B4GALT5: variants seen among roughly 807,000 people sequenced by gnomAD.
The protein encoded by B4GALT5 is beta-1,4-galactosyltransferase 5, also known as UDP-Gal:beta-GlcNAc beta-1,4-galactosyltransferase 5.
A neutral mutation model predicts 45.0 loss-of-function variants in B4GALT5; 11 were observed. That is an observed-to-expected ratio of 0.24 (90% CI 0.15 to 0.40). The LOEUF (loss-of-function observed/expected upper bound fraction) is 0.40. B4GALT5 is among the 10% of genes least tolerant of loss of function. The probability of loss-of-function intolerance (pLI) is 1.00; values close to 1 mark genes in which losing one functional copy is unlikely to be tolerated. For synonymous variants in B4GALT5, 185 were observed against 182.9 expected (o/e 1.01, Z -0.09); for missense variants, 337 against 500.2 (o/e 0.67, Z 3.11).
intron 1 of B4GALT5, among the ~76,000 whole-genome samples, chr20:49,671,194 C>A (rs2085714466): frequency 1.3e-5 from 2 of 152,114 alleles, no homozygotes. Context: ...GCCTGGTCAA[C>A]ATGGCGAAAC....
At chr20:49,650,914 C>T (rs1262604756) in intron 2 of B4GALT5, among the ~76,000 whole-genome samples, 1 of 147,380 alleles carries the variant, frequency 6.8e-6, no homozygotes. Flanking sequence ...TCTACAGCCA[C>T]AGTTTTACTT....
intron 1 of B4GALT5, among the ~76,000 whole-genome samples, chr20:49,697,494 A>G (rs1022779974): frequency 6.6e-6 from 1 of 151,766 alleles, no homozygotes; most frequent in Non-Finnish European, 1.5e-5. Flanking sequence ...AGCTGCTAAC[A>G]CTAAGTTTCC....
intron 1 of B4GALT5, among the ~76,000 whole-genome samples, chr20:49,705,246 G>A (rs964328828): frequency 1.3e-5 from 2 of 152,222 alleles, no homozygotes; most frequent in Non-Finnish European, 2.9e-5. Context: ...GAAGTGTGAA[G>A]CCAGAGGAAA....
chr20:49,642,549 C>T lies in B4GALT5; in HGVS notation c.525G>A (p.Glu175=), dbSNP rs748301404. ...GGTGTCTGAACAGGACTGGGAGGTGCTCGTGGCGGTTCCGGAAGGGGATAA... is the reference window on the plus strand; with the variant it reads ...GGTGTCTGAACAGGACTGGGAGGTGTTCGTGGCGGTTCCGGAAGGGGATAA... The part of the protein sequence containing the change: ...AILIPFRNRH[E]HLPVLFRHLL... Residue 175 remains glutamate (E), a synonymous_variant, in exon 5 of 9, where the codon GAG becomes GAA. Coordinates refer to ENST00000371711, the MANE Select transcript of B4GALT5 (RefSeq NM_004776.4). 4 of 1,614,132 alleles carry T rather than the reference C, an allele frequency of 2.5e-6. No individual in the cohort carries two copies. Among genetic ancestry groups the T allele is most frequent in the Non-Finnish European group, 2.5e-6 (3 of 1,179,996 alleles).
intron 1 of B4GALT5, among the ~76,000 whole-genome samples, chr20:49,712,456 G>T (rs977521546): frequency 6.6e-6 from 1 of 151,908 alleles, no homozygotes; most frequent in East Asian, 1.9e-4. Flanking sequence ...GACTATGCTT[G>T]GGGCAGGCGG....
chr20:49,664,230 C>T (rs964199122), intron 1 of B4GALT5, among the ~76,000 whole-genome samples: 1 of 151,968 alleles, frequency 6.6e-6, no homozygotes, highest in Non-Finnish European at 1.5e-5. Context: ...TCTAGAATAT[C>T]CCTTAAGAGT....
chr20:49,647,695 T>C (rs2085604937), intron 2 of B4GALT5, among the ~76,000 whole-genome samples: 1 of 152,236 alleles, frequency 6.6e-6, no homozygotes, highest in Non-Finnish European at 1.5e-5. Context: ...GTTTGCTCAG[T>C]TTTATATGCA....
In B4GALT5 at chr20:49,653,612, T is replaced by C. The variant is rs76801577; in HGVS notation, c.250+2956A>G. Among the ~76,000 whole-genome samples the C allele has an allele frequency of 5.1e-3, 777 of 152,328 alleles. 7 individuals are homozygous for C. Among genetic ancestry groups the C allele is most frequent in the African/African-American group, 0.017 (722 of 41,574 alleles). On this transcript the variant is annotated intron_variant, in intron 2 of 8. Transcript: ENST00000371711. ...AGTTCCATGACTTCCATGTGCCTTG[T>C]TCCTTTTATCCCTACAATGGGGACA...
At chr20:49,676,989 C>T (rs1394854802) in intron 1 of B4GALT5, among the ~76,000 whole-genome samples, 3 of 151,978 alleles carry the variant, frequency 2.0e-5, no homozygotes, top group Non-Finnish European at 4.4e-5. Flanking sequence ...GATGTATGTC[C>T]TTATATTTGT....
At chr20:49,643,292 T>C (rs973495494) in intron 4 of B4GALT5, among the ~76,000 whole-genome samples, 1 of 152,232 alleles carries the variant, frequency 6.6e-6, no homozygotes, top group Non-Finnish European at 1.5e-5. Flanking sequence ...GCTTTGTTAA[T>C]ATTCCTGGTG....
Position 49,713,795 on chromosome 20 carries a change from G to T in B4GALT5, c.-105C>A. 5.5e-6 allele frequency: 1 copy of T among 182,530 alleles called. No individual in the cohort carries two copies. The highest frequency in any genetic ancestry group is 1.0e-5 in the Non-Finnish European group (1 of 96,482). 11.3% of individuals were successfully genotyped at this position (182,530 alleles called of 1,614,324 possible). On this transcript the variant is annotated 5_prime_UTR_variant, in exon 1 of 9. Transcript: ENST00000371711. ...CGCCACCGCCTGGGCCTCGGCCACC[G>T]CCTCCCGGGCCTCGCGGGCCGCCAC...
At chr20:49,684,466 G>C in intron 1 of B4GALT5, 7 of 471,412 alleles carry the variant, frequency 1.5e-5, no homozygotes, top group South Asian at 1.1e-4. Context: ...GGGAGGCTGA[G>C]ACAGCAGAAT....
At chr20:49,711,370 C>T (rs1358825048) in intron 1 of B4GALT5, among the ~76,000 whole-genome samples, 1 of 152,132 alleles carries the variant, frequency 6.6e-6, no homozygotes, top group African/African-American at 2.4e-5. Context: ...TTGATAAGTT[C>T]CATTTCTGTT....
intron 1 of B4GALT5, among the ~76,000 whole-genome samples, chr20:49,657,192 C>G (rs1041943384): frequency 2.0e-5 from 3 of 152,174 alleles, no homozygotes; most frequent in Admixed American, 6.5e-5. Flanking sequence ...GCAACCTTTT[C>G]AAAGTGGTAG....
chr20:49,640,197 C>T (rs933226955), intron 6 of B4GALT5, among the ~76,000 whole-genome samples: 1 of 152,224 alleles, frequency 6.6e-6, no homozygotes, highest in African/African-American at 2.4e-5. Context: ...TATAGATTTG[C>T]TTATTCTGGA....
Position 49,659,106 on chromosome 20 carries a change from CCT to C in B4GALT5, c.116-2406_116-2405del, listed in dbSNP as rs566887317. On this transcript the variant is annotated intron_variant, in intron 1 of 8. Transcript: ENST00000371711. ...TCACTCATCCATGTTCTAGCCACAA[CCT>C]CTCTCTGAAAGATTTCAAGCACCCA... Among the ~76,000 whole-genome samples, 233 of 152,290 alleles carry C rather than the reference CCT, an allele frequency of 1.5e-3. 1 individual carries two copies. Among genetic ancestry groups the C allele is most frequent in the Non-Finnish European group, 1.9e-3 (126 of 68,036 alleles).
intron 1 of B4GALT5, among the ~76,000 whole-genome samples, chr20:49,710,693 C>T (rs1334799781): frequency 1.3e-5 from 2 of 152,110 alleles, no homozygotes; most frequent in African/African-American, 4.8e-5. Context: ...GCTGGGATTA[C>T]AGGTGTGAGC....
rs781184534 is a variant in B4GALT5 at position 49,684,598 on chromosome 20, CACATATCAAGG to C, written c.116-27907_116-27897del. ...AGTTGGTCCCTGAACTGAAAGAGGC[CACATATCAAGG>C]ACATAAGCACGCAAAATCAGCAAGT... On this transcript the variant is annotated intron_variant, in intron 1 of 8. Coordinates refer to ENST00000371711, the MANE Select transcript of B4GALT5 (RefSeq NM_004776.4). 530 of 518,778 alleles carry C rather than the reference CACATATCAAGG, an allele frequency of 1.0e-3. 2 individuals are homozygous for C. Among genetic ancestry groups the C allele is most frequent in the Non-Finnish European group, 1.5e-3 (392 of 259,820 alleles). 32.1% of individuals were successfully genotyped at this position (518,778 alleles called of 1,614,324 possible).
intron 1 of B4GALT5, among the ~76,000 whole-genome samples, chr20:49,677,574 C>T (rs1233077097): frequency 2.0e-5 from 3 of 152,196 alleles, no homozygotes; most frequent in Non-Finnish European, 4.4e-5. Flanking sequence ...ACTTTGCAAT[C>T]TATTTTTGAA....
Sources: allele counts gnomAD v4.1 joint callset (sites outside exome capture counted in the v4.1 genomes callset), GRCh38; gene constraint gnomAD v4.1.1; transcripts MANE v1.5; gene names NCBI Gene and HGNC (gene_info 2026-07-23, HGNC 2026-07-21).